KIF13B: variants seen among roughly 807,000 people sequenced by gnomAD.
KIF13B encodes kinesin family member 13B.
Under a neutral mutation model 222.0 loss-of-function variants are expected in KIF13B, and 127 were observed. That is an observed-to-expected ratio of 0.57 (90% CI 0.50 to 0.66). The LOEUF is 0.66. KIF13B is among the 30% of genes least tolerant of loss of function. The pLI, the probability that KIF13B is intolerant of heterozygous loss-of-function variation, is 0.00. For missense variants in KIF13B, 2,173 were observed against 2,379.0 expected, an observed-to-expected ratio of 0.91 and a Z score of 1.80; for synonymous variants, 976 against 919.0, an observed-to-expected ratio of 1.06 and a Z score of -1.12.
chr8:29,108,213 G>T lies in KIF13B; in HGVS notation c.4162-21C>A, dbSNP rs1425935323. 6.2e-6 allele frequency: 10 copies of T among 1,608,156 alleles called. No individual in the cohort carries two copies. The Admixed American group carries it at 1.7e-4, about 27-fold the overall frequency. On this transcript the variant is annotated intron_variant, in intron 34 of 39. Coordinates refer to ENST00000524189, the MANE Select transcript of KIF13B (RefSeq NM_015254.4). ...GACAACTGAAGAAGAAAGAAAGGGG[G>T]GTTAGTTATTTATGCATCAGAGCAT...
intron 31 of KIF13B, 29 bp downstream of exon 31, chr8:29,116,802 T>A (rs1809619257): frequency 6.3e-7 from 1 of 1,577,572 alleles, no homozygotes; most frequent in Non-Finnish European, 8.7e-7. Flanking sequence ...CAACTGTGGT[T>A]AGAGTCGTTT....
intron 2 of KIF13B, among the ~76,000 whole-genome samples, chr8:29,229,822 T>C (rs1368859193): frequency 1.3e-5 from 2 of 152,230 alleles, no homozygotes; most frequent in East Asian, 1.9e-4. Flanking sequence ...TAAACAGCTA[T>C]GATTATTGTC....
rs1000890649 is a variant in KIF13B, at chr8:29,069,052, C to G, written c.*1452G>C. 6 of 152,254 alleles carry G rather than the reference C, an allele frequency of 3.9e-5. No individual in the cohort carries two copies. Among genetic ancestry groups the G allele is most frequent in the African/African-American group, 1.4e-4 (6 of 41,454 alleles). 9.4% of individuals were successfully genotyped at this position (152,254 alleles called of 1,614,324 possible). A position where few individuals can be genotyped will look rare whatever the true frequency, so the allele number is the denominator to read the frequency against. On this transcript the variant is annotated 3_prime_UTR_variant, in exon 40 of 40. Coordinates refer to ENST00000524189, the MANE Select transcript of KIF13B (RefSeq NM_015254.4). ...GACTACTCTGTTGGCGCCTTCAAGT[C>G]CCTAGAGAACCAGAGCCTTCCGCAG...
chr8:29,102,871 C>G (rs1384138957), intron 35 of KIF13B, among the ~76,000 whole-genome samples: 1 of 152,146 alleles, frequency 6.6e-6, no homozygotes, highest in Non-Finnish European at 1.5e-5. Context: ...TCAAAAACTC[C>G]AATCAAAAGA....
At chr8:29,148,441 C>G in intron 16 of KIF13B, 136 bp downstream of exon 16, 1 of 471,320 alleles carries the variant, frequency 2.1e-6, no homozygotes, top group Admixed American at 4.3e-5. Flanking sequence ...CTATGTTGCC[C>G]AGGCTAAAGA....
chr8:29,221,638 C>A (rs1814757211), intron 2 of KIF13B, among the ~76,000 whole-genome samples: 1 of 152,122 alleles, frequency 6.6e-6, no homozygotes, highest in African/African-American at 2.4e-5. Context: ...ATCCAAGGTA[C>A]ACATGTATCA....
In KIF13B at chr8:29,072,270, G is replaced by GC; in HGVS notation, c.4567dup (p.Ala1523GlyfsTer41). The GC allele has an allele frequency of 6.8e-7, 1 of 1,471,596 alleles. No homozygotes were observed. The highest frequency in any genetic ancestry group is 9.0e-7 in the Non-Finnish European group (1 of 1,112,886). 91.2% of individuals were successfully genotyped at this position (1,471,596 alleles called of 1,614,324 possible). A position where few individuals can be genotyped will look rare whatever the true frequency, so the allele number is the denominator to read the frequency against. On this transcript the variant is annotated frameshift_variant, in exon 39 of 40. Coordinates refer to ENST00000524189, the MANE Select transcript of KIF13B (RefSeq NM_015254.4). LOFTEE classifies it high-confidence loss of function. Reference sequence around the variant, plus strand: ...TTTGTCGCAGATCTTCAAGGCCGGGGCCCCCATCGTCTGCACCAGCACGTC... The same window carrying GC: ...TTTGTCGCAGATCTTCAAGGCCGGGGCCCCCCATCGTCTGCACCAGCACGTC...
At position 29,230,259 on chromosome 8, in the gene KIF13B, A is replaced by G. The variant is rs565152515; in HGVS notation, c.149+15087T>C. 4.6e-5 allele frequency among the ~76,000 whole-genome samples: 7 copies of G among 151,992 alleles called. No homozygotes were observed. In the South Asian group the frequency reaches 1.2e-3, roughly 27 times the overall value. ...TCTGAGTCATGCTTCTCTTCAACCA[A>G]CTCTTGCCTTTCCCATCCCCAGACA... On this transcript the variant is annotated intron_variant, in intron 2 of 39. Coordinates refer to ENST00000524189, the MANE Select transcript of KIF13B (RefSeq NM_015254.4).
chr8:29,195,229 G>A lies in KIF13B; in HGVS notation c.162+958C>T, dbSNP rs557915688. The stretch of plus-strand genomic sequence containing the variant: ...CGCCACCGCACTCCAGCCTGAGCAA[G>A]AGCTAGACTCCATCTCAAAAAATAT... On this transcript the variant is annotated intron_variant, in intron 3 of 39. Transcript: ENST00000524189. Among the ~76,000 whole-genome samples, 8 of 152,240 alleles carry A rather than the reference G, an allele frequency of 5.3e-5. No individual in the cohort carries two copies. The East Asian group carries it at 1.5e-3, about 29-fold the overall frequency.
intron 23 of KIF13B, among the ~76,000 whole-genome samples, 164 bp from the exon 24 acceptor site, chr8:29,130,829 A>G (rs1479377598): frequency 1.3e-5 from 2 of 152,248 alleles, no homozygotes; most frequent in Non-Finnish European, 2.9e-5. Flanking sequence ...TACTGGCAAG[A>G]ATAATGGAAA....
intron 1 of KIF13B, among the ~76,000 whole-genome samples, chr8:29,254,998 G>C (rs1387423951): frequency 6.6e-6 from 1 of 152,194 alleles, no homozygotes; most frequent in African/African-American, 2.4e-5. Flanking sequence ...ACATGGATGA[G>C]CCCTGAATAC....
intron 1 of KIF13B, among the ~76,000 whole-genome samples, chr8:29,252,645 C>A (rs916186884): frequency 4.6e-5 from 7 of 152,140 alleles, no homozygotes; most frequent in African/African-American, 1.7e-4. Flanking sequence ...CTATTTTCAA[C>A]CAATTAGTGT....
chr8:29,221,451 T>C (rs34801757), intron 2 of KIF13B, among the ~76,000 whole-genome samples: 6,714 of 140,068 alleles, frequency 0.048, 322 homozygotes, highest in African/African-American at 0.12. Flanking sequence ...GGCAACAGAG[T>C]GAGACCCTGT....
rs1388478080 is a variant in KIF13B at position 29,262,970 on chromosome 8, C to T, written c.55+10G>A. On this transcript the variant is annotated intron_variant, in intron 1 of 39. Coordinates refer to ENST00000524189, the MANE Select transcript of KIF13B (RefSeq NM_015254.4). ...TCCGCCCCGGCGGCCCAGGAGGGCT[C>T]GGCTCTCACCTCGCCGGTTCATGGG... is the stretch of plus-strand genomic sequence containing the variant. 3.8e-6 allele frequency: 6 copies of T among 1,583,856 alleles called. No individual in the cohort carries two copies. The highest frequency in any genetic ancestry group is 1.7e-4 in the Middle Eastern group (1 of 5,964).
Position 29,150,377 on chromosome 8 carries a change from A to C in KIF13B, c.1542T>G (p.Phe514Leu). The C allele has an allele frequency of 6.4e-7, 1 of 1,554,486 alleles. No individual in the cohort carries two copies. Among genetic ancestry groups the C allele is most frequent in the Non-Finnish European group, 8.8e-7 (1 of 1,130,322 alleles). ...MLTPQKNTRT[F>L]VNGSSVSSPI... Reference sequence around the variant, plus strand: ...GACTGGAGACAGATGACCCATTTACAAATGTTCTGTAAGGAGAAGAGATCA... The same window carrying C: ...GACTGGAGACAGATGACCCATTTACCAATGTTCTGTAAGGAGAAGAGATCA... Residue 514 changes from phenylalanine (F) to leucine (L), a missense_variant, in exon 15 of 40, where the codon TTT becomes TTG. Transcript: ENST00000524189.
chr8:29,082,038 C>T (rs1021368128), intron 37 of KIF13B, among the ~76,000 whole-genome samples: 1 of 152,170 alleles, frequency 6.6e-6, no homozygotes. Flanking sequence ...AAACAAAGAA[C>T]CTAAGATTTC....
chr8:29,186,943 T>G (rs930725248), intron 5 of KIF13B, among the ~76,000 whole-genome samples: 3 of 142,656 alleles, frequency 2.1e-5, no homozygotes, highest in Non-Finnish European at 3.0e-5. Context: ...CACTCTAGCC[T>G]GGGCTACAGA....
chr8:29,085,709 T>A (rs1196118838), intron 37 of KIF13B, among the ~76,000 whole-genome samples: 1 of 13,046 alleles, frequency 7.7e-5, no homozygotes. Context: ...ACTCTTCTTT[T>A]TTTTTTTTTT....
At chr8:29,072,339 G>A (rs760048009) in intron 38 of KIF13B, 23 bp from the exon 39 acceptor site, 2 of 1,381,600 alleles carry the variant, frequency 1.4e-6, no homozygotes, top group Admixed American at 6.2e-5. Flanking sequence ...GGGGAAGCAG[G>A]GGCTGAGAAC....
Sources: gnomAD v4.1 joint callset for allele counts (sites outside exome capture counted in the v4.1 genomes callset) on GRCh38, gnomAD v4.1.1 for gene constraint, MANE v1.5 for transcripts, NCBI Gene and HGNC (gene_info 2026-07-23, HGNC 2026-07-21) for gene names.